LAMA2: variants seen among roughly 807,000 people sequenced by gnomAD.
LAMA2 encodes laminin subunit alpha 2.
Under a neutral mutation model 364.8 loss-of-function variants are expected in LAMA2, and 269 were observed. The ratio of observed to expected loss-of-function variants is 0.74; its 90% CI spans 0.67 to 0.82. The LOEUF is 0.82. Ranked by LOEUF, LAMA2 falls within the 40% of genes least tolerant of loss-of-function variation. The probability of loss-of-function intolerance (pLI) is 0.00; values close to 1 mark genes in which losing one functional copy is unlikely to be tolerated. For missense variants in LAMA2, 3,807 were observed against 3,873.2 expected (o/e 0.98, Z 0.45); for synonymous variants, 1,379 against 1,370.6 (o/e 1.01, Z -0.14).
intron 12 of LAMA2, among the ~76,000 whole-genome samples, chr6:129,206,173 A>G (rs1662359732): frequency 6.7e-6 from 1 of 148,664 alleles, no homozygotes; most frequent in African/African-American, 2.5e-5. Context: ...AGGAAATTAA[A>G]CCTAGGAACA....
chr6:129,507,341 C>G (rs1237916456), intron 61 of LAMA2, 148 bp from the exon 62 acceptor site: 6 of 795,472 alleles, frequency 7.5e-6, no homozygotes, highest in Non-Finnish European at 1.1e-5. Flanking sequence ...CTGGTGGTAA[C>G]AGAGAACCCA....
At chr6:129,049,390 A>C (rs1039064142) in intron 1 of LAMA2, among the ~76,000 whole-genome samples, 17 of 152,232 alleles carry the variant, frequency 1.1e-4, no homozygotes, top group African/African-American at 4.1e-4. Context: ...AAGCAGTAAA[A>C]ATTGGTATTC....
intron 41 of LAMA2, among the ~76,000 whole-genome samples, chr6:129,438,047 G>GA (rs1029265556): frequency 5.3e-5 from 8 of 150,828 alleles, no homozygotes; most frequent in Non-Finnish European, 1.2e-4. Flanking sequence ...AGTATCAAGA[G>GA]AAAAAAACTA....
In LAMA2 at chr6:129,503,179, G is replaced by T; in HGVS notation, c.8446G>T (p.Val2816Phe). ...ARINHADFATVQLRNGLPYFS... is the reference protein window; with the variant it reads ...ARINHADFATFQLRNGLPYFS... ...CATCAATCATGCTGATTTTGCAACA[G>T]TTCAGCTGAGAAATGGATTGCCCTA... The change falls in exon 60 of 65, where the codon GTT becomes TTT. Residue 2816 changes from valine (V) to phenylalanine (F), a missense_variant. By Grantham distance (50) the Val-to-Phe change is conservative (BLOSUM62 -1). Transcript: ENST00000421865. The T allele has an allele frequency of 6.2e-7, 1 of 1,614,140 alleles. No individual in the cohort carries two copies. Among genetic ancestry groups the T allele is most frequent in the Non-Finnish European group, 8.5e-7 (1 of 1,179,990 alleles).
intron 1 of LAMA2, among the ~76,000 whole-genome samples, chr6:128,952,953 C>T (rs1433366870): frequency 6.6e-6 from 1 of 152,124 alleles, no homozygotes; most frequent in African/African-American, 2.4e-5. Context: ...AGGGTTTTCT[C>T]TGTAAGGTGC....
intron 22 of LAMA2, among the ~76,000 whole-genome samples, chr6:129,301,654 G>A (rs1162791521): frequency 3.3e-5 from 5 of 152,102 alleles, no homozygotes; most frequent in African/African-American, 1.2e-4. Flanking sequence ...GGAGGAGCAA[G>A]TTCAGGAAGG....
rs773706209 is a variant in LAMA2 at position 129,288,048 on chromosome 6, G to A, written c.2739G>A (p.Lys913=). ...DGYFGDAVDA[K]NCQPCRCNAG... ...ATTTTGGAGATGCAGTTGATGCGAA[G>A]AACTGTCAGCGTAAGTCCTGAACTA... Residue 913 remains lysine, a synonymous_variant, in exon 19 of 65, where the codon AAG becomes AAA. Coordinates refer to ENST00000421865, the MANE Select transcript of LAMA2 (RefSeq NM_000426.4). 1 of 1,613,720 alleles carries A rather than the reference G, an allele frequency of 6.2e-7. No homozygotes were observed. The highest frequency in any genetic ancestry group is 1.3e-5 in the African/African-American group (1 of 74,900).
At chr6:129,482,902 C>G (rs1397528507) in intron 55 of LAMA2, among the ~76,000 whole-genome samples, 2 of 151,622 alleles carry the variant, frequency 1.3e-5, no homozygotes, top group Non-Finnish European at 2.9e-5. Context: ...AATTTGTATA[C>G]TAAAAATACA....
rs561390470 is a variant in LAMA2, at chr6:129,464,103, A to G, written c.6993-187A>G. Among the ~76,000 whole-genome samples, 4 of 152,098 alleles carry G rather than the reference A, an allele frequency of 2.6e-5. No homozygotes were observed. The East Asian group carries it at 5.8e-4, about 22-fold the overall frequency. ...GTTATTGCACACCTCATGAAAGGTGAGAGGTGGTTTTTACTTATTCTAGCA... is the reference window on the plus strand; with the variant it reads ...GTTATTGCACACCTCATGAAAGGTGGGAGGTGGTTTTTACTTATTCTAGCA... On this transcript the variant is annotated intron_variant, in intron 49 of 64. Transcript: ENST00000421865.
chr6:129,225,998 C>T (rs1023153195), intron 12 of LAMA2, among the ~76,000 whole-genome samples: 8 of 152,094 alleles, frequency 5.3e-5, no homozygotes, highest in Admixed American at 1.3e-4. Flanking sequence ...TAAGGACTTG[C>T]TTTATGAATC....
chr6:128,892,412 C>T (rs1357197090), intron 1 of LAMA2, among the ~76,000 whole-genome samples: 2 of 151,836 alleles, frequency 1.3e-5, no homozygotes, highest in Non-Finnish European at 2.9e-5. Context: ...GTACAATAAA[C>T]GTTTTTTCTA....
At chr6:129,260,302 T>G (rs1583361206) in intron 14 of LAMA2, among the ~76,000 whole-genome samples, 6 of 152,172 alleles carry the variant, frequency 3.9e-5, no homozygotes, top group Admixed American at 3.9e-4. Context: ...AAAGCTAAGA[T>G]GGAATATTAA....
chr6:128,951,591 A>G (rs945365320), intron 1 of LAMA2, among the ~76,000 whole-genome samples: 1 of 152,178 alleles, frequency 6.6e-6, no homozygotes, highest in African/African-American at 2.4e-5. Flanking sequence ...AAAGTAATCT[A>G]TAGTGATCTG....
At chr6:129,121,191 G>A (rs1242957485) in intron 4 of LAMA2, among the ~76,000 whole-genome samples, 1 of 152,074 alleles carries the variant, frequency 6.6e-6, no homozygotes, top group Non-Finnish European at 1.5e-5. Context: ...TTATTTGCAG[G>A]GAACTTATAA....
At chr6:129,128,811 T>A (rs181698682) in intron 4 of LAMA2, among the ~76,000 whole-genome samples, 1 of 152,368 alleles carries the variant, frequency 6.6e-6, no homozygotes, top group Non-Finnish European at 1.5e-5. Flanking sequence ...ATGGCATTGA[T>A]ACAGTAAAAT....
At chr6:129,380,893 A>C (rs1450960219) in intron 34 of LAMA2, among the ~76,000 whole-genome samples, 2 of 152,244 alleles carry the variant, frequency 1.3e-5, no homozygotes, top group Admixed American at 1.3e-4. Context: ...CTTACACATT[A>C]CTACGTAAAT....
At chr6:129,122,472 ATTC>A (rs1776854636) in intron 4 of LAMA2, among the ~76,000 whole-genome samples, 1 of 152,212 alleles carries the variant, frequency 6.6e-6, no homozygotes, top group African/African-American at 2.4e-5. Flanking sequence ...TTCATGTGCT[ATTC>A]TTTGCTTCAT....
At chr6:129,381,331 C>CTTT (rs71028155) in intron 34 of LAMA2, among the ~76,000 whole-genome samples, 1 of 151,186 alleles carries the variant, frequency 6.6e-6, no homozygotes, top group Non-Finnish European at 1.5e-5. Context: ...CTACGAACAT[C>CTTT]TTTTTTTTTC....
chr6:129,216,673 A>C (rs1461355373), intron 12 of LAMA2, among the ~76,000 whole-genome samples: 1 of 152,098 alleles, frequency 6.6e-6, no homozygotes, highest in Non-Finnish European at 1.5e-5. Context: ...AATATGGTGG[A>C]TATTTACTCA....
Sources: allele counts gnomAD v4.1 joint callset (sites outside exome capture counted in the v4.1 genomes callset), GRCh38; gene constraint gnomAD v4.1.1; transcripts MANE v1.5; gene names NCBI Gene and HGNC (gene_info 2026-07-23, HGNC 2026-07-21).